The following NALF1 variants were observed in gnomAD, a reference collection of about 807,000 sequenced individuals.
NALF1 encodes NALCN channel auxiliary factor 1, also known as family with sequence similarity 155 member A.
Under a neutral mutation model 48.4 loss-of-function variants are expected in NALF1, and 3 were observed. The ratio of observed to expected loss-of-function variants is 0.06; its 90% CI spans 0.03 to 0.16. The LOEUF is 0.16. Among genes scored for constraint, NALF1 ranks in the 10% least tolerant of loss-of-function variants. The probability of loss-of-function intolerance (pLI) is 1.00; values close to 1 mark genes in which losing one functional copy is unlikely to be tolerated. For missense variants in NALF1, 526 were observed against 571.5 expected, an observed-to-expected ratio of 0.92 and a Z score of 0.81; for synonymous variants, 262 against 245.7, an observed-to-expected ratio of 1.07 and a Z score of -0.62.
chr13:107,838,946 TAA>T (rs938542640), intron 1 of NALF1, among the ~76,000 whole-genome samples: 2 of 152,134 alleles, frequency 1.3e-5, no homozygotes, highest in East Asian at 3.9e-4. Flanking sequence ...TTCTTCACAG[TAA>T]GAGAGAGCAC....
chr13:107,305,863 A>C (rs1191886265), intron 1 of NALF1, among the ~76,000 whole-genome samples: 1 of 152,234 alleles, frequency 6.6e-6, no homozygotes, highest in Non-Finnish European at 1.5e-5. Flanking sequence ...CTGAGAGGGA[A>C]GTAATATGTT....
At chr13:107,677,659 T>C (rs7982455) in intron 1 of NALF1, among the ~76,000 whole-genome samples, 81,465 of 151,970 alleles carry the variant, frequency 0.54, 22,395 homozygotes, top group African/African-American at 0.66. Context: ...TAATAAACTG[T>C]CAAGTGAGAA....
intron 2 of NALF1, among the ~76,000 whole-genome samples, chr13:107,197,099 G>A (rs1246122248): frequency 1.3e-5 from 2 of 152,124 alleles, no homozygotes; most frequent in East Asian, 1.9e-4. Context: ...TGCCTGAGCT[G>A]GCAGGTATGC....
chr13:107,406,544 T>G (rs1438308938), intron 1 of NALF1, among the ~76,000 whole-genome samples: 2 of 152,022 alleles, frequency 1.3e-5, no homozygotes, highest in Non-Finnish European at 2.9e-5. Context: ...ATATTCCATG[T>G]TCATGGATTA....
At chr13:107,525,374 C>A (rs1876397065) in intron 1 of NALF1, among the ~76,000 whole-genome samples, 1 of 152,068 alleles carries the variant, frequency 6.6e-6, no homozygotes, top group Admixed American at 6.6e-5. Flanking sequence ...CAGTTTGTAA[C>A]CTTTTCAGAA....
rs545895490 is a variant in NALF1, at chr13:107,770,351, G to A, written c.915+95331C>T. ...AGTTCTCCTTGAAAGTGTAGATGAG[G>A]GGTAAAAGGTCAACTCTAAATTGTC... On this transcript the variant is annotated intron_variant, in intron 1 of 2. Transcript: ENST00000375915. Among the ~76,000 whole-genome samples the A allele has an allele frequency of 2.0e-5, 3 of 152,056 alleles. No homozygotes were observed. The East Asian group carries it at 5.8e-4, about 29-fold the overall frequency.
At chr13:107,579,082 CCTCT>C (rs1320081389) in intron 1 of NALF1, among the ~76,000 whole-genome samples, 4 of 152,080 alleles carry the variant, frequency 2.6e-5, no homozygotes, top group South Asian at 2.1e-4. Flanking sequence ...TCCATAATCA[CCTCT>C]CTATTTCAAT....
intron 1 of NALF1, among the ~76,000 whole-genome samples, chr13:107,793,395 G>A (rs538700822): frequency 6.6e-6 from 1 of 152,296 alleles, no homozygotes; most frequent in East Asian, 1.9e-4. Flanking sequence ...CATATAGCTA[G>A]GCTATGCATT....
chr13:107,837,877 T>A (rs1006591013), intron 1 of NALF1, among the ~76,000 whole-genome samples: 1 of 152,030 alleles, frequency 6.6e-6, no homozygotes, highest in Non-Finnish European at 1.5e-5. Flanking sequence ...AAAGCAATCA[T>A]AACTGACTTA....
intron 1 of NALF1, among the ~76,000 whole-genome samples, chr13:107,267,834 A>C (rs948321740): frequency 2.6e-5 from 4 of 152,186 alleles, no homozygotes; most frequent in Admixed American, 2.0e-4. Flanking sequence ...CGCGATGGCT[A>C]CTAAGCGACT....
chr13:107,223,437 T>A (rs994341041), intron 1 of NALF1, among the ~76,000 whole-genome samples: 2 of 152,200 alleles, frequency 1.3e-5, no homozygotes, highest in African/African-American at 4.8e-5. Flanking sequence ...CTGTATTTCC[T>A]CAGTAAATAC....
At chr13:107,239,365 C>A (rs1004085690) in intron 1 of NALF1, among the ~76,000 whole-genome samples, 1 of 152,170 alleles carries the variant, frequency 6.6e-6, no homozygotes, top group East Asian at 1.9e-4. Flanking sequence ...AGGTGCTTCA[C>A]GCCAGTCTCT....
In NALF1 at chr13:107,170,758, A is replaced by G. The variant is rs1305091985; in HGVS notation, c.1116T>C (p.Asp372=). 1.2e-6 allele frequency: 2 copies of G among 1,614,204 alleles called. No homozygotes were observed. Among genetic ancestry groups the G allele is most frequent in the Non-Finnish European group, 8.5e-7 (1 of 1,180,032 alleles). The stretch of plus-strand genomic sequence containing the variant: ...TCCTGACGTCACAGCATTCTGGTTC[A>G]TCATTGGTTAGAAAGGTTTCATAAA... ...TGLYETFLTN[D]EPECCDVRRE... Residue 372 remains aspartate, a synonymous_variant, in exon 3 of 3, where the codon GAT becomes GAC. Transcript: ENST00000375915.
At chr13:107,814,908 G>A (rs1388899965) in intron 1 of NALF1, among the ~76,000 whole-genome samples, 1 of 151,944 alleles carries the variant, frequency 6.6e-6, no homozygotes, top group African/African-American at 2.4e-5. Context: ...AAATCTCCAG[G>A]ATACATCATG....
intron 1 of NALF1, among the ~76,000 whole-genome samples, chr13:107,399,670 C>T (rs913881325): frequency 2.6e-5 from 4 of 152,068 alleles, no homozygotes. Flanking sequence ...TCTTCACACC[C>T]CACCAACACC....
At chr13:107,388,217 G>T (rs955803741) in intron 1 of NALF1, among the ~76,000 whole-genome samples, 1 of 152,156 alleles carries the variant, frequency 6.6e-6, no homozygotes, top group Admixed American at 6.5e-5. Context: ...ACTCAAAAGA[G>T]ATTTTTTCCA....
chr13:107,645,894 G>A (rs957276522), intron 1 of NALF1, among the ~76,000 whole-genome samples: 1 of 151,962 alleles, frequency 6.6e-6, no homozygotes, highest in African/African-American at 2.4e-5. Context: ...CCAGGTTTTT[G>A]CTCCCAAACT....
intron 1 of NALF1, among the ~76,000 whole-genome samples, chr13:107,305,861 G>T (rs1323348046): frequency 6.6e-6 from 1 of 152,204 alleles, no homozygotes; most frequent in Non-Finnish European, 1.5e-5. Context: ...GACTGAGAGG[G>T]AAGTAATATG....
intron 1 of NALF1, among the ~76,000 whole-genome samples, chr13:107,399,903 T>G (rs1883775727): frequency 6.6e-6 from 1 of 152,178 alleles, no homozygotes. Context: ...AAATGAATTA[T>G]TTACATAAAA....
Sources: gnomAD v4.1 joint callset for allele counts (sites outside exome capture counted in the v4.1 genomes callset) on GRCh38, gnomAD v4.1.1 for gene constraint, MANE v1.5 for transcripts, NCBI Gene and HGNC (gene_info 2026-07-23, HGNC 2026-07-21) for gene names.